Variants in CDYL observed in about 807,000 individuals in gnomAD.
CDYL encodes the protein chromodomain Y-like protein.
A neutral mutation model predicts 47.3 loss-of-function variants in CDYL; 8 were observed. The ratio of observed to expected loss-of-function variants is 0.17; its 90% CI spans 0.10 to 0.31. CDYL has a LOEUF of 0.31. Among genes scored for constraint, CDYL ranks in the 10% least tolerant of loss-of-function variants. The pLI, the probability that CDYL is intolerant of heterozygous loss-of-function variation, is 1.00. For missense variants in CDYL, 471 were observed against 701.4 expected, an observed-to-expected ratio of 0.67 and a Z score of 3.71; for synonymous variants, 266 against 265.0, an observed-to-expected ratio of 1.00 and a Z score of -0.04.
In CDYL at chr6:4,901,166, T is replaced by G. The variant is rs1757042584; in HGVS notation, c.691+8787T>G. On this transcript the variant is annotated intron_variant, in intron 2 of 6. Coordinates refer to ENST00000397588, the MANE Select transcript of CDYL (RefSeq NM_004824.4). Reference sequence around the variant, plus strand: ...GTACAATTTAAAAGAAATTTAGATTTCTTAGGTCAGATGACATAAAAGGAA... The same window carrying G: ...GTACAATTTAAAAGAAATTTAGATTGCTTAGGTCAGATGACATAAAAGGAA... Among the ~76,000 whole-genome samples the G allele has an allele frequency of 2.0e-5, 3 of 152,186 alleles. No individual in the cohort carries two copies. The South Asian group carries it at 6.2e-4, about 32-fold the overall frequency.
chr6:4,809,406 A>G (rs142339896), intron 1 of CDYL, among the ~76,000 whole-genome samples: 1 of 152,334 alleles, frequency 6.6e-6, no homozygotes, highest in East Asian at 1.9e-4. Context: ...AAACTTGTGG[A>G]TGTGTAGTTT....
chr6:4,759,367 T>C (rs1402421466), intron 3 of CDYL, among the ~76,000 whole-genome samples: 2 of 152,200 alleles, frequency 1.3e-5, no homozygotes, highest in East Asian at 3.8e-4. Flanking sequence ...ATTCAGATTC[T>C]TTACCTTAAT....
intron 5 of CDYL, among the ~76,000 whole-genome samples, chr6:4,948,519 T>C (rs760699094): frequency 1.7e-5 from 2 of 115,636 alleles, no homozygotes; most frequent in Non-Finnish European, 4.1e-5. Flanking sequence ...TGCTTTCAAC[T>C]GGGCAGTTTT....
intron 2 of CDYL, among the ~76,000 whole-genome samples, chr6:4,923,298 TGTGA>T (rs1757771443): frequency 6.6e-6 from 1 of 152,210 alleles, no homozygotes; most frequent in South Asian, 2.1e-4. Context: ...AGCTTCCACA[TGTGA>T]GTGAGATCAT....
At chr6:4,813,904 G>T (rs539865988) in intron 1 of CDYL, among the ~76,000 whole-genome samples, 1 of 151,444 alleles carries the variant, frequency 6.6e-6, no homozygotes, top group Non-Finnish European at 1.5e-5. Flanking sequence ...CTCCCGGCTG[G>T]AACTACAGAA....
intron 1 of CDYL, among the ~76,000 whole-genome samples, chr6:4,790,493 G>C (rs1265336): frequency 0.35 from 53,890 of 152,076 alleles, 12,652 homozygotes; most frequent in African/African-American, 0.68. Context: ...TTTCTGAAGC[G>C]CTTTTGGAAA....
chr6:4,875,487 C>G (rs1007644248), intron 1 of CDYL, among the ~76,000 whole-genome samples: 5 of 152,134 alleles, frequency 3.3e-5, no homozygotes, highest in African/African-American at 1.2e-4. Flanking sequence ...TAATTTGTCT[C>G]AGCCATGTTT....
intron 1 of CDYL, among the ~76,000 whole-genome samples, chr6:4,887,722 A>G (rs1160845759): frequency 6.6e-6 from 1 of 152,134 alleles, no homozygotes; most frequent in Admixed American, 6.5e-5. Context: ...GAACTCCAAT[A>G]CAATGTTGAA....
chr6:4,769,756 TTTC>T (rs1758308376), intron 3 of CDYL, among the ~76,000 whole-genome samples: 1 of 152,138 alleles, frequency 6.6e-6, no homozygotes, highest in African/African-American at 2.4e-5. Flanking sequence ...TTCCTGCCAT[TTTC>T]TTTGATTGGT....
intron 1 of CDYL, among the ~76,000 whole-genome samples, chr6:4,891,398 A>G (rs1446086868): frequency 2.0e-5 from 3 of 152,228 alleles, no homozygotes; most frequent in Admixed American, 6.5e-5. Flanking sequence ...TGCTCCAGCC[A>G]TGAGTGTGGA....
At chr6:4,889,121 A>C (rs1406751493) in intron 1 of CDYL, among the ~76,000 whole-genome samples, 1 of 152,170 alleles carries the variant, frequency 6.6e-6, no homozygotes, top group African/African-American at 2.4e-5. Flanking sequence ...TTAATGGAGC[A>C]GTTTGCCTGC....
chr6:4,715,882 G>GT lies in CDYL; in HGVS notation c.103+2dup, dbSNP rs758412453. On this transcript the variant is annotated splice_donor_variant, in intron 2 of 8. Coordinates refer to the CDYL transcript ENST00000328908. LOFTEE classifies it high-confidence loss of function. ...AAGTTATTCCTGAAGAGAAACAACG[G>GT]TAAGAACTTGCAGGAATCAAATTAG... 1.2e-6 allele frequency: 2 copies of GT among 1,613,192 alleles called. No homozygotes were observed. The highest frequency in any genetic ancestry group is 1.7e-5 in the Admixed American group (1 of 59,794).
intron 1 of CDYL, among the ~76,000 whole-genome samples, chr6:4,777,954 T>G (rs924888511): frequency 1.3e-5 from 2 of 152,358 alleles, no homozygotes; most frequent in Non-Finnish European, 1.5e-5. Context: ...TTGTATGTGG[T>G]CAGTATACCT....
intron 1 of CDYL, among the ~76,000 whole-genome samples, chr6:4,866,796 A>G (rs1761336030): frequency 1.3e-5 from 2 of 152,116 alleles, no homozygotes; most frequent in South Asian, 4.1e-4. Context: ...TGAATGGGTT[A>G]ATAATCTATA....
chr6:4,870,432 T>G (rs2127472824), intron 1 of CDYL, among the ~76,000 whole-genome samples: 1 of 152,356 alleles, frequency 6.6e-6, no homozygotes, highest in East Asian at 1.9e-4. Flanking sequence ...TTGCTGGTTT[T>G]AAGATTTTTA....
chr6:4,742,209 T>A (rs112379931), intron 3 of CDYL, among the ~76,000 whole-genome samples: 12,076 of 151,266 alleles, frequency 0.08, 530 homozygotes, highest in African/African-American at 0.11. Flanking sequence ...AAAAATAAAA[T>A]TTTTTTTAAT....
chr6:4,888,574 TA>T (rs1761959510), intron 1 of CDYL, among the ~76,000 whole-genome samples: 1 of 152,216 alleles, frequency 6.6e-6, no homozygotes, highest in Non-Finnish European at 1.5e-5. Context: ...TTAATTTTTT[TA>T]AAAGAAACTT....
intron 1 of CDYL, among the ~76,000 whole-genome samples, chr6:4,843,689 T>G (rs913398508): frequency 3.9e-5 from 6 of 152,106 alleles, no homozygotes; most frequent in African/African-American, 1.4e-4. Context: ...TATTTTTTAT[T>G]TATGCTATTT....
At chr6:4,866,679 A>G (rs1004700281) in intron 1 of CDYL, among the ~76,000 whole-genome samples, 1 of 152,152 alleles carries the variant, frequency 6.6e-6, no homozygotes, top group African/African-American at 2.4e-5. Flanking sequence ...AAAACCTATC[A>G]AAGACAGTGA....
Sources: gnomAD v4.1 joint callset for allele counts (sites outside exome capture counted in the v4.1 genomes callset) on GRCh38, gnomAD v4.1.1 for gene constraint, MANE v1.5 for transcripts, NCBI Gene and HGNC (gene_info 2026-07-23, HGNC 2026-07-21) for gene names.